MAP3K4: variants seen among roughly 807,000 people sequenced by gnomAD.
The protein encoded by MAP3K4 is MAP three kinase 1.
In MAP3K4, 67 loss-of-function variants were observed where a neutral mutation model predicts 185.6. The observed-to-expected ratio is 0.36, with a 90% CI of 0.30 to 0.44. MAP3K4 has a LOEUF of 0.44. Ranked by LOEUF, MAP3K4 falls within the 20% of genes least tolerant of loss-of-function variation. The pLI is 1.00. For missense variants in MAP3K4, 1,551 were observed against 1,995.1 expected (o/e 0.78, Z 4.24); for synonymous variants, 702 against 710.4 (o/e 0.99, Z 0.19).
rs200093237 is a variant in MAP3K4 at position 161,089,428 on chromosome 6, C to T, written c.2930C>T (p.Thr977Ile). ...EGLMTLCQEQ[T>I]SSQPVIAKAL... ...CTTATGACTCTGTGCCAGGAGCAGA[C>T]ATCCAGTCAGCCGGTCATCGCCAAA... The change falls in exon 11 of 27, where the codon ACA becomes ATA. Residue 977 changes from threonine to isoleucine, a missense_variant. Transcript: ENST00000392142. The T allele has an allele frequency of 2.1e-5, 34 of 1,614,210 alleles. No homozygotes were observed. The highest frequency in any genetic ancestry group is 2.8e-5 in the Non-Finnish European group (33 of 1,180,030).
Position 161,112,611 on chromosome 6 carries a change from A to T in MAP3K4, c.4520-57A>T. 9.7e-7 allele frequency: 1 copy of T among 1,034,386 alleles called. No homozygotes were observed. Among genetic ancestry groups the T allele is most frequent in the Non-Finnish European group, 1.3e-6 (1 of 744,918 alleles). 64.1% of individuals were successfully genotyped at this position (1,034,386 alleles called of 1,614,324 possible). Reference sequence around the variant, plus strand: ...TATTAATTTATTGCTTGGCTCTATTAATACATGTTGATGTGTTTATAACCC... The same window carrying T: ...TATTAATTTATTGCTTGGCTCTATTTATACATGTTGATGTGTTTATAACCC... On this transcript the variant is annotated intron_variant, in intron 24 of 26. Transcript: ENST00000392142. This position sits in a 1 kb window ranked among gnomAD's most constrained non-coding sequence, Gnocchi z 5.1.
rs184612964 is a variant in MAP3K4, at chr6:161,054,787, A to G, written c.1707+4808A>G. ...AAATAAGAGAGTCTCAGATTATCAA[A>G]TGAAACTTATTTAAATCCATGTAAC... On this transcript the variant is annotated intron_variant, in intron 3 of 26. Transcript: ENST00000392142. The surrounding 1 kb of genome is among the most constrained non-coding windows in gnomAD (Gnocchi z 4.2). Among the ~76,000 whole-genome samples, 2 of 152,360 alleles carry G rather than the reference A, an allele frequency of 1.3e-5. No individual in the cohort carries two copies. Among genetic ancestry groups the G allele is most frequent in the East Asian group, 3.9e-4 (2 of 5,190 alleles).
At position 161,037,171 on chromosome 6, in the gene MAP3K4, T is replaced by C. The variant is rs994110377; in HGVS notation, c.343+2722T>C. On this transcript the variant is annotated intron_variant, in intron 2 of 26. Transcript: ENST00000392142. This position sits in a 1 kb window ranked among gnomAD's most constrained non-coding sequence, Gnocchi z 4.2. ...TAGACAAGTGGGCCATTTTAATGTC[T>C]TAGTCTTGGTTGTGGTGGTTAATAG... 9.2e-5 allele frequency among the ~76,000 whole-genome samples: 14 copies of C among 152,332 alleles called. No homozygotes were observed. The highest frequency in any genetic ancestry group is 1.8e-4 in the Non-Finnish European group (12 of 68,024).
rs898051090 is a variant in MAP3K4 at position 160,996,031 on chromosome 6, A to T, written c.152+3948A>T. Among the ~76,000 whole-genome samples the T allele has an allele frequency of 2.6e-5, 4 of 152,182 alleles. No individual in the cohort carries two copies. Among genetic ancestry groups the T allele is most frequent in the Non-Finnish European group, 5.9e-5 (4 of 68,014 alleles). On this transcript the variant is annotated intron_variant, in intron 1 of 26. Transcript: ENST00000392142. The surrounding 1 kb of genome is among the most constrained non-coding windows in gnomAD (Gnocchi z 4.5). ...GAAAAACTGGATTTCCTACTAAAAA[A>T]CTAGTTGAATGTCGTCACTCCTAGG...
At position 161,075,420 on chromosome 6, in the gene MAP3K4, G is replaced by A. The variant is rs1057209940; in HGVS notation, c.2097+1808G>A. 6.6e-6 allele frequency among the ~76,000 whole-genome samples: 1 copy of A among 152,128 alleles called. No homozygotes were observed. The highest frequency in any genetic ancestry group is 2.4e-5 in the African/African-American group (1 of 41,416). The stretch of plus-strand genomic sequence containing the variant: ...GATCCTCCCGCCTTGGCCTCCCAAA[G>A]TGCTGGGATTATAGGCATTAGCCAC... On this transcript the variant is annotated intron_variant, in intron 5 of 26. Coordinates refer to ENST00000392142, the MANE Select transcript of MAP3K4 (RefSeq NM_005922.4). The surrounding 1 kb of genome is among the most constrained non-coding windows in gnomAD (Gnocchi z 4.3).
At chr6:161,015,711 C>T (rs1014903825) in intron 1 of MAP3K4, among the ~76,000 whole-genome samples, 2 of 152,018 alleles carry the variant, frequency 1.3e-5, no homozygotes, top group African/African-American at 4.8e-5. Flanking sequence ...GGGGAAGGTG[C>T]CAGGCTCGTT....
Position 161,043,666 on chromosome 6 carries a change from A to C in MAP3K4, c.344-4950A>C, listed in dbSNP as rs1161962708. On this transcript the variant is annotated intron_variant, in intron 2 of 26. Coordinates refer to ENST00000392142, the MANE Select transcript of MAP3K4 (RefSeq NM_005922.4). This position sits in a 1 kb window ranked among gnomAD's most constrained non-coding sequence, Gnocchi z 4.3. ...GATAAAGCAATTTCTCAAAATGTGG[A>C]GCCATTGTAGCCATGTCAGAGATAC... Among the ~76,000 whole-genome samples, 2 of 152,218 alleles carry C rather than the reference A, an allele frequency of 1.3e-5. No homozygotes were observed. Among genetic ancestry groups the C allele is most frequent in the African/African-American group, 4.8e-5 (2 of 41,460 alleles).
intron 13 of MAP3K4, among the ~76,000 whole-genome samples, chr6:161,092,541 T>C (rs1471216976): frequency 6.6e-6 from 1 of 152,166 alleles, no homozygotes; most frequent in Non-Finnish European, 1.5e-5. Flanking sequence ...GTGTCATGAC[T>C]GTGTGAGAAA....
In MAP3K4 at chr6:161,091,777, A is replaced by T. The variant is rs1203477756; in HGVS notation, c.3136-233A>T. On this transcript the variant is annotated intron_variant, in intron 12 of 26. Coordinates refer to ENST00000392142, the MANE Select transcript of MAP3K4 (RefSeq NM_005922.4). The surrounding 1 kb of genome is among the most constrained non-coding windows in gnomAD (Gnocchi z 5.5). ...ACTTACATTTTAAAACTTTAAAGAG[A>T]TGTTTTATGTCATAAAAGCACATTC... Among the ~76,000 whole-genome samples the T allele has an allele frequency of 1.3e-5, 2 of 152,194 alleles. No individual in the cohort carries two copies. The highest frequency in any genetic ancestry group is 4.8e-5 in the African/African-American group (2 of 41,444).
intron 1 of MAP3K4, among the ~76,000 whole-genome samples, chr6:160,998,200 C>A (rs371099058): frequency 6.6e-6 from 1 of 152,100 alleles, no homozygotes; most frequent in South Asian, 2.1e-4. Flanking sequence ...TAGATTTGTC[C>A]CTATTTTTCT....
rs1784334577 is a variant in MAP3K4 at position 161,058,387 on chromosome 6, A to G, written c.1707+8408A>G. ...CCATCATTTGTCTTATGGCCACCCA[A>G]GTACACCTGTTTACATGACTTACTG... On this transcript the variant is annotated intron_variant, in intron 3 of 26. Coordinates refer to ENST00000392142, the MANE Select transcript of MAP3K4 (RefSeq NM_005922.4). 2.6e-5 allele frequency among the ~76,000 whole-genome samples: 4 copies of G among 152,310 alleles called. No homozygotes were observed. The South Asian group carries it at 8.3e-4, about 32-fold the overall frequency.
chr6:161,038,407 A>G (rs569225487), intron 2 of MAP3K4, among the ~76,000 whole-genome samples: 1 of 152,198 alleles, frequency 6.6e-6, no homozygotes, highest in Non-Finnish European at 1.5e-5. Context: ...TATTTTGAGG[A>G]GCTTTTTAGA....
In MAP3K4 at chr6:161,064,831, A is replaced by G. The variant is rs1247496149; in HGVS notation, c.1708-5777A>G. 2.0e-5 allele frequency among the ~76,000 whole-genome samples: 3 copies of G among 152,210 alleles called. No individual in the cohort carries two copies. The highest frequency in any genetic ancestry group is 4.4e-5 in the Non-Finnish European group (3 of 68,036). ...TTGCAGGTTCTGGAGGGTACACGGC[A>G]CGCCTACAGGCCGCTCATGCAGAGG... On this transcript the variant is annotated intron_variant, in intron 3 of 26. Coordinates refer to ENST00000392142, the MANE Select transcript of MAP3K4 (RefSeq NM_005922.4). The surrounding 1 kb of genome is among the most constrained non-coding windows in gnomAD (Gnocchi z 4.3).
At chr6:160,992,263 G>C in intron 1 of MAP3K4, 180 bp downstream of exon 1, 1 of 820,894 alleles carries the variant, frequency 1.2e-6, no homozygotes, top group South Asian at 2.1e-5. Flanking sequence ...GTCTGAGTCT[G>C]TCCGGCGACT....
In MAP3K4 at chr6:161,089,456, T is replaced by C. The variant is rs1342925154; in HGVS notation, c.2958T>C (p.Ala986=). The change falls in exon 11 of 27, where the codon GCT becomes GCC. Residue 986 remains alanine, a synonymous_variant. Transcript: ENST00000392142. ...QTSSQPVIAK[A]LQQLKNDALE... is the part of the protein sequence containing the mutation. The stretch of plus-strand genomic sequence containing the variant: ...CCAGTCAGCCGGTCATCGCCAAAGC[T>C]TTGCAGCAGCTGAAGGTATTACACT... 6.2e-7 allele frequency: 1 copy of C among 1,614,188 alleles called. No homozygotes were observed. The highest frequency in any genetic ancestry group is 1.7e-5 in the Admixed American group (1 of 60,026).
chr6:161,036,690 CT>C (rs1293471796), intron 2 of MAP3K4, among the ~76,000 whole-genome samples: 1 of 152,178 alleles, frequency 6.6e-6, no homozygotes, highest in Non-Finnish European at 1.5e-5. Flanking sequence ...CGGTTAATCA[CT>C]GTGCTTAACA....
intron 1 of MAP3K4, among the ~76,000 whole-genome samples, chr6:160,999,812 G>A (rs1367115506): frequency 6.6e-6 from 1 of 152,144 alleles, no homozygotes; most frequent in African/African-American, 2.4e-5. Flanking sequence ...GTATTTTCTG[G>A]ATGAATTGGA....
chr6:161,039,642 G>T (rs1783352458), intron 2 of MAP3K4, among the ~76,000 whole-genome samples: 1 of 152,204 alleles, frequency 6.6e-6, no homozygotes, highest in African/African-American at 2.4e-5. Context: ...TGACATGTTA[G>T]AATGGGAAGT....
intron 10 of MAP3K4, among the ~76,000 whole-genome samples, chr6:161,089,026 ACT>A (rs1216623283): frequency 6.6e-6 from 1 of 151,946 alleles, no homozygotes; most frequent in African/African-American, 2.4e-5. Flanking sequence ...ACACACACAC[ACT>A]CACACACACT....
Sources: gnomAD v4.1 joint callset for allele counts (sites outside exome capture counted in the v4.1 genomes callset) on GRCh38, gnomAD v4.1.1 for gene constraint, Gnocchi (gnomAD v3.1) non-coding constraint, MANE v1.5 for transcripts, NCBI Gene and HGNC (gene_info 2026-07-23, HGNC 2026-07-21) for gene names.